Variants in STT3B observed in about 807,000 individuals in gnomAD.
STT3B encodes the protein STT3 oligosaccharyltransferase complex catalytic subunit B.
A neutral mutation model predicts 96.8 loss-of-function variants in STT3B; 29 were observed. That is an observed-to-expected ratio of 0.30 (90% confidence interval 0.22 to 0.41). The LOEUF (loss-of-function observed/expected upper bound fraction) is 0.41, where lower values mean the gene tolerates loss of function less well. Among genes scored for constraint, STT3B ranks in the 10% least tolerant of loss-of-function variants. The pLI is 1.00. For missense variants in STT3B, 640 were observed against 1,022.3 expected (o/e 0.63, Z 5.10); for synonymous variants, 367 against 360.0 (o/e 1.02, Z -0.22).
chr3:31,581,839 T>C (rs1698411111), intron 3 of STT3B, among the ~76,000 whole-genome samples: 1 of 152,190 alleles, frequency 6.6e-6, no homozygotes. Context: ...CTTCTCTTTT[T>C]TGGGAGATTT....
intron 5 of STT3B, among the ~76,000 whole-genome samples, chr3:31,614,901 T>G (rs993902323): frequency 1.3e-4 from 19 of 151,966 alleles, no homozygotes; most frequent in African/African-American, 4.6e-4. Context: ...CAAAATATAG[T>G]ACTTAGTATT....
chr3:31,614,837 C>T (rs566302390), intron 5 of STT3B, among the ~76,000 whole-genome samples: 1 of 151,918 alleles, frequency 6.6e-6, no homozygotes, highest in East Asian at 1.9e-4. Flanking sequence ...AAACTTGATT[C>T]CATTTCTGGG....
At chr3:31,563,877 C>T (rs1211017623) in intron 1 of STT3B, among the ~76,000 whole-genome samples, 1 of 152,082 alleles carries the variant, frequency 6.6e-6, no homozygotes, top group Admixed American at 6.5e-5. Flanking sequence ...GCGATCTTGG[C>T]TCACTGCAAC....
chr3:31,538,398 G>A (rs926325167), intron 1 of STT3B, among the ~76,000 whole-genome samples: 1 of 152,174 alleles, frequency 6.6e-6, no homozygotes, highest in Admixed American at 6.5e-5. Flanking sequence ...ACTTACCTGA[G>A]TGCATTGTAA....
At chr3:31,556,834 A>T (rs1236117961) in intron 1 of STT3B, among the ~76,000 whole-genome samples, 1 of 152,154 alleles carries the variant, frequency 6.6e-6, no homozygotes, top group Non-Finnish European at 1.5e-5. Flanking sequence ...GTCTTTCAGT[A>T]GGTTGTGTCT....
intron 3 of STT3B, 57 bp downstream of exon 3, chr3:31,580,153 A>G: frequency 6.5e-7 from 1 of 1,537,608 alleles, no homozygotes. Flanking sequence ...CTCCTGAAAC[A>G]CTTTAGGCTG....
At chr3:31,540,419 A>G (rs1697237135) in intron 1 of STT3B, among the ~76,000 whole-genome samples, 1 of 152,160 alleles carries the variant, frequency 6.6e-6, no homozygotes, top group South Asian at 2.1e-4. Context: ...AGTATTAATG[A>G]TTAGTTGATA....
At chr3:31,552,494 T>C (rs79097877) in intron 1 of STT3B, among the ~76,000 whole-genome samples, 4,716 of 152,278 alleles carry the variant, frequency 0.031, 184 homozygotes, top group African/African-American at 0.09. Flanking sequence ...TAAAAACTTA[T>C]ACTTACTACA....
intron 10 of STT3B, 70 bp from the exon 11 acceptor site, chr3:31,623,604 T>C: frequency 1.7e-6 from 2 of 1,207,124 alleles, no homozygotes; most frequent in Non-Finnish European, 2.3e-6. Context: ...TCTCAACTTT[T>C]TCCATTGAGT....
rs764713710 is a variant in STT3B at position 31,629,424 on chromosome 3, C to A, written c.2187+13C>A. The A allele has an allele frequency of 2.3e-5, 32 of 1,386,678 alleles. No homozygotes were observed. In the South Asian group the frequency reaches 3.7e-4, roughly 16 times the overall value. The allele number at this position is 1,386,678 out of a possible 1,614,324, so 85.9% of individuals were successfully genotyped here. On this transcript the variant is annotated intron_variant, in intron 14 of 15. Transcript: ENST00000295770. ...TGGAGAAATGCAGGTTAGTTAAATC[C>A]ATTTTTCTCTAATTTTCATTCAAAA...
intron 3 of STT3B, among the ~76,000 whole-genome samples, chr3:31,593,715 T>G (rs1400493083): frequency 1.3e-5 from 2 of 152,148 alleles, no homozygotes; most frequent in Non-Finnish European, 2.9e-5. Flanking sequence ...AATTTCTAGT[T>G]CATTCTTATT....
intron 1 of STT3B, among the ~76,000 whole-genome samples, chr3:31,535,917 A>C (rs1279380890): frequency 6.6e-6 from 1 of 152,202 alleles, no homozygotes; most frequent in East Asian, 1.9e-4. Context: ...AATGTTAGAT[A>C]ATCTTGCTTA....
intron 1 of STT3B, among the ~76,000 whole-genome samples, chr3:31,539,863 T>A (rs1274925710): frequency 6.6e-6 from 1 of 152,148 alleles, no homozygotes; most frequent in African/African-American, 2.4e-5. Flanking sequence ...TTGGAAGTCT[T>A]AAGCCATGCC....
At position 31,596,859 on chromosome 3, in the gene STT3B, A is replaced by G; in HGVS notation, c.773A>G (p.Tyr258Cys). 2 of 1,610,600 alleles carry G rather than the reference A, an allele frequency of 1.2e-6. No individual in the cohort carries two copies. Among genetic ancestry groups the G allele is most frequent in the Non-Finnish European group, 1.7e-6 (2 of 1,177,530 alleles). ...WTMCCCLSYF[Y>C]MVSAWGGYVF... ...ATGTGCTGCTGCTTATCCTATTTCT[A>G]TATGGTAAGATTTCATATTTGAGAC... Residue 258 changes from tyrosine to cysteine, a missense_variant, in exon 4 of 16, where the codon TAT becomes TGT. Tyr to Cys is a radical substitution (Grantham distance 194). This residue lies in a region of STT3B where 267 missense variants were observed against 388.3 expected (regional missense o/e 0.69). Coordinates refer to ENST00000295770, the MANE Select transcript of STT3B (RefSeq NM_178862.3).
chr3:31,592,624 C>CA (rs1426396046), intron 3 of STT3B, among the ~76,000 whole-genome samples: 3 of 152,088 alleles, frequency 2.0e-5, no homozygotes, highest in Non-Finnish European at 4.4e-5. Flanking sequence ...TGATAGTAGT[C>CA]ATCCTAATGG....
intron 1 of STT3B, among the ~76,000 whole-genome samples, chr3:31,563,974 A>G (rs762402121): frequency 2.6e-5 from 4 of 152,046 alleles, no homozygotes; most frequent in Non-Finnish European, 5.9e-5. Flanking sequence ...TGTATACAAT[A>G]CTAAATGGTT....
chr3:31,609,354 C>T (rs927618155), intron 5 of STT3B, among the ~76,000 whole-genome samples: 4 of 152,144 alleles, frequency 2.6e-5, no homozygotes, highest in African/African-American at 9.7e-5. Context: ...CCTAACACCT[C>T]TTAAGTTACA....
rs151075670 is a variant in STT3B at position 31,555,165 on chromosome 3, G to A, written c.315-21231G>A. Among the ~76,000 whole-genome samples the A allele has an allele frequency of 7.9e-3, 1,203 of 152,158 alleles. 6 individuals carry two copies. The highest frequency in any genetic ancestry group is 0.013 in the African/African-American group (555 of 41,526). On this transcript the variant is annotated intron_variant, in intron 1 of 15. Coordinates refer to ENST00000295770, the MANE Select transcript of STT3B (RefSeq NM_178862.3). ...TTCTCAATTATAGTACCAATTTTGTGGGGAATATATATCCTTCTTGGCAAG... is the reference window on the plus strand; with the variant it reads ...TTCTCAATTATAGTACCAATTTTGTAGGGAATATATATCCTTCTTGGCAAG...
intron 1 of STT3B, among the ~76,000 whole-genome samples, chr3:31,559,615 T>G (rs1012393721): frequency 2.0e-5 from 3 of 152,084 alleles, no homozygotes; most frequent in African/African-American, 7.2e-5. Flanking sequence ...TTGTGTTCTA[T>G]TGTATGGTCT....
Sources: gnomAD v4.1 joint callset for allele counts (sites outside exome capture counted in the v4.1 genomes callset) on GRCh38, gnomAD v4.1.1 for gene constraint, gnomAD v4.1.1 regional missense constraint, MANE v1.5 for transcripts, NCBI Gene and HGNC (gene_info 2026-07-23, HGNC 2026-07-21) for gene names.